ARHGEF19: variants seen among roughly 807,000 people sequenced by gnomAD.
ARHGEF19 encodes the protein Rho guanine nucleotide exchange factor 19.
Under a neutral mutation model 87.6 loss-of-function variants are expected in ARHGEF19, and 92 were observed. The ratio of observed to expected loss-of-function variants is 1.05; its 90% confidence interval spans 0.89 to 1.25. The LOEUF is 1.25. Ranked by LOEUF, ARHGEF19 falls within the 50% of genes most tolerant of loss-of-function variation. ARHGEF19 has a pLI of 0.00. For missense variants in ARHGEF19, 1,054 were observed against 1,051.8 expected (o/e 1.00, Z -0.03); for synonymous variants, 438 against 446.2 (o/e 0.98, Z 0.23).
rs754661167 is a variant in ARHGEF19 at position 16,208,671 on chromosome 1, G to A, written c.384C>T (p.Ala128=). 6.2e-7 allele frequency: 1 copy of A among 1,605,836 alleles called. No individual in the cohort carries two copies. The highest frequency in any genetic ancestry group is 8.5e-7 in the Non-Finnish European group (1 of 1,177,486). ...SPRHTQPQRR[A]SHGSEKKSAW... ...CAGACTTCTTCTCCGAGCCGTGGCT[G>A]GCCCGGCGCTGTGGCTGTGTGTGTC... Residue 128 remains alanine (A), a synonymous_variant, in exon 2 of 16, where the codon GCC becomes GCT. Coordinates refer to ENST00000270747, the MANE Select transcript of ARHGEF19 (RefSeq NM_153213.5).
chr1:16,206,746 C>A lies in ARHGEF19; in HGVS notation c.1137+202G>T, dbSNP rs944763000. ...ACCCGCACCCAAGCCCGGCTCCCCT[C>A]GCCTCTCGCTCAGCGGCTTGCTGTC... is the stretch of plus-strand genomic sequence containing the variant. On this transcript the variant is annotated intron_variant, in intron 6 of 15. Transcript: ENST00000270747. This position sits in a 1 kb window ranked among gnomAD's most constrained non-coding sequence, Gnocchi z 4.6. 3.5e-4 allele frequency among the ~76,000 whole-genome samples: 54 copies of A among 152,148 alleles called. No homozygotes were observed. Among genetic ancestry groups the A allele is most frequent in the African/African-American group, 1.3e-3 (52 of 41,524 alleles).
At position 16,205,312 on chromosome 1, in the gene ARHGEF19, G is replaced by T. The variant is rs748438215; in HGVS notation, c.1656+39C>A. ...GAGACGTGCTGGGGGTCCAGGGGGG[G>T]CCTCAGGAGCCAAGCAGCCCCTGCC... On this transcript the variant is annotated intron_variant, in intron 10 of 15. Coordinates refer to ENST00000270747, the MANE Select transcript of ARHGEF19 (RefSeq NM_153213.5). The surrounding 1 kb of genome is among the most constrained non-coding windows in gnomAD (Gnocchi z 5.8). 6.8e-6 allele frequency: 11 copies of T among 1,612,756 alleles called. No individual in the cohort carries two copies. The highest frequency in any genetic ancestry group is 3.3e-5 in the South Asian group (3 of 91,030).
At chr1:16,202,762 G>T (rs904664791) in intron 12 of ARHGEF19, among the ~76,000 whole-genome samples, 188 bp from the exon 13 acceptor site, 1 of 152,224 alleles carries the variant, frequency 6.6e-6, no homozygotes, top group African/African-American at 2.4e-5. Flanking sequence ...CTCCTTCCCC[G>T]CTGGCTTGCT....
chr1:16,203,864 T>C (rs769669611), intron 12 of ARHGEF19, among the ~76,000 whole-genome samples: 6 of 152,234 alleles, frequency 3.9e-5, no homozygotes, highest in South Asian at 4.1e-4. Flanking sequence ...CCTGATGATA[T>C]GGTTGTCAGA....
chr1:16,208,880 G>A lies in ARHGEF19; in HGVS notation c.175C>T (p.Arg59Trp), dbSNP rs781328251. The A allele has an allele frequency of 2.0e-5, 32 of 1,602,758 alleles. No individual in the cohort carries two copies. The highest frequency in any genetic ancestry group is 4.4e-5 in the South Asian group (4 of 90,216). Residue 59 changes from arginine to tryptophan, a missense_variant, in exon 2 of 16, where the codon CGG becomes TGG. By Grantham distance (101) the Arg-to-Trp change is moderately radical. Coordinates refer to ENST00000270747, the MANE Select transcript of ARHGEF19 (RefSeq NM_153213.5). ...AGGGACCAGCGGCTGCCAGGAGCCC[G>A]AAGCTCCTCTGGGGCAACAGGGAAA... ...DLFPVAPEEL[R>W]APGSRWSLGT...
rs1286446395 is a variant in ARHGEF19 at position 16,208,786 on chromosome 1, G to A, written c.269C>T (p.Thr90Ile). Residue 90 changes from threonine to isoleucine, a missense_variant, in exon 2 of 16, where the codon ACC (threonine) becomes ATC (isoleucine). Physicochemically the swap from Thr to Ile is moderately conservative, Grantham distance 89 (BLOSUM62 -1). Coordinates refer to ENST00000270747, the MANE Select transcript of ARHGEF19 (RefSeq NM_153213.5). ...LSPGGSDTEITSGGMRPSRAG... is the reference protein window; with the variant it reads ...LSPGGSDTEIISGGMRPSRAG... ...CCTGCTGGGCCGCATCCCCCCGCTG[G>A]TGATCTCTGTATCTGAGCCTCCTGG... 1 of 1,613,556 alleles carries A rather than the reference G, an allele frequency of 6.2e-7. No homozygotes were observed. Among genetic ancestry groups the A allele is most frequent in the Non-Finnish European group, 8.5e-7 (1 of 1,179,820 alleles).
Position 16,207,597 on chromosome 1 carries a change from G to A in ARHGEF19, c.799C>T (p.Leu267=). 1.2e-6 allele frequency: 2 copies of A among 1,613,992 alleles called. No homozygotes were observed. The highest frequency in any genetic ancestry group is 1.1e-5 in the South Asian group (1 of 91,080). Residue 267 remains leucine (L), a splice_region_variant and synonymous_variant, in exon 5 of 16, where the codon CTA becomes TTA. Coordinates refer to ENST00000270747, the MANE Select transcript of ARHGEF19 (RefSeq NM_153213.5). This position sits in a 1 kb window ranked among gnomAD's most constrained non-coding sequence, Gnocchi z 4.0. ...AAAGGCGGCTCTTCCTGTGTGTCTA[G>A]CCTAGGAAAGAGAGAGCGTCACGGC... ...SREGDWSEPR[L]DTQEEPPLGS...
intron 1 of ARHGEF19, among the ~76,000 whole-genome samples, chr1:16,211,554 A>C (rs1344418701): frequency 1.3e-5 from 2 of 152,116 alleles, no homozygotes; most frequent in Non-Finnish European, 2.9e-5. Context: ...GAGAGGGGAC[A>C]TAGAAGGCTT....
In ARHGEF19 at chr1:16,209,018, G is replaced by T; in HGVS notation, c.37C>A (p.Leu13Met). 6.7e-7 allele frequency: 1 copy of T among 1,503,702 alleles called. No individual in the cohort carries two copies. The highest frequency in any genetic ancestry group is 2.4e-5 in the Admixed American group (1 of 41,958). The allele number at this position is 1,503,702 out of a possible 1,614,324, so 93.1% of individuals were successfully genotyped here. The change falls in exon 2 of 16, where the codon CTG becomes ATG. Residue 13 changes from leucine (L) to methionine (M), a missense_variant. Leu to Met is a conservative substitution (Grantham distance 15). Coordinates refer to ENST00000270747, the MANE Select transcript of ARHGEF19 (RefSeq NM_153213.5). ...TGGGCAGTGCCAGGTGGCCCAGTCA[G>T]GTGGGGCTGGAGGGTAGCAGGTGGC... ...CGPPATLQPH[L>M]TGPPGTAHHP...
chr1:16,208,926 C>G lies in ARHGEF19; in HGVS notation c.129G>C (p.Pro43=), dbSNP rs563681063. The part of the protein sequence containing the change: ...SFAELPALKP[P]SPVCLDLFPV... ...GGAAAAGGTCCAGACACACTGGGCT[C>G]GGGGGCTTCAGGGCGGGCAGCTCTG... Residue 43 remains proline, a synonymous_variant, in exon 2 of 16, where the codon CCG becomes CCC. Coordinates refer to ENST00000270747, the MANE Select transcript of ARHGEF19 (RefSeq NM_153213.5). 1.9e-6 allele frequency: 3 copies of G among 1,585,860 alleles called. No homozygotes were observed. The highest frequency in any genetic ancestry group is 2.6e-6 in the Non-Finnish European group (3 of 1,167,330).
rs368098145 is a variant in ARHGEF19, at chr1:16,205,437, G to T, written c.1582-12C>A. The T allele has an allele frequency of 6.2e-7, 1 of 1,611,374 alleles. No homozygotes were observed. The highest frequency in any genetic ancestry group is 2.2e-5 in the East Asian group (1 of 44,858). On this transcript the variant is annotated splice_polypyrimidine_tract_variant and intron_variant, in intron 9 of 15. Transcript: ENST00000270747. The surrounding 1 kb of genome is among the most constrained non-coding windows in gnomAD (Gnocchi z 5.8). ...CGCTTCAGGATGTTCTGGAAGGTGG[G>T]ATCAGCACAATGAGGCAGTCCTCAT... is the stretch of plus-strand genomic sequence containing the variant.
rs985236443 is a variant in ARHGEF19, at chr1:16,208,041, C to T, written c.597G>A (p.Ser199=). Residue 199 remains serine (S), a synonymous_variant, in exon 3 of 16, where the codon TCG becomes TCA. Transcript: ENST00000270747. ...AAGAGTGCAGCCGGGTCATCAGCTC[C>T]GATGCCGAGAAGCGCCTCCGCTCAG... ...EGPERRRFSA[S]ELMTRLHSSL... 4 of 1,613,802 alleles carry T rather than the reference C, an allele frequency of 2.5e-6. No individual in the cohort carries two copies. The highest frequency in any genetic ancestry group is 3.4e-6 in the Non-Finnish European group (4 of 1,180,024).
chr1:16,205,369 G>C lies in ARHGEF19; in HGVS notation c.1638C>G (p.Ala546=), dbSNP rs1380469242. Residue 546 remains alanine, a synonymous_variant, in exon 10 of 16, where the codon GCC becomes GCG. Transcript: ENST00000270747. This position sits in a 1 kb window ranked among gnomAD's most constrained non-coding sequence, Gnocchi z 5.8. ...GSEDEDMATK[A]FNALKELVQE... The stretch of plus-strand genomic sequence containing the variant: ...AGCTCACCTCCTTGAGCGCATTGAA[G>C]GCCTTGGTGGCCATGTCTTCGTCTT... 1 of 1,613,676 alleles carries C rather than the reference G, an allele frequency of 6.2e-7. No individual in the cohort carries two copies. The highest frequency in any genetic ancestry group is 8.5e-7 in the Non-Finnish European group (1 of 1,179,700).
Position 16,208,847 on chromosome 1 carries a change from G to A in ARHGEF19, c.208C>T (p.Pro70Ser), listed in dbSNP as rs979998580. Reference protein sequence around the residue: ...APGSRWSLGTPAPLQGLLWPL... With the variant: ...APGSRWSLGTSAPLQGLLWPL... ...CATAGCAACCCTTGGAGAGGGGCAGGGGTCCCCAGGGACCAGCGGCTGCCA... is the reference window on the plus strand; with the variant it reads ...CATAGCAACCCTTGGAGAGGGGCAGAGGTCCCCAGGGACCAGCGGCTGCCA... Residue 70 changes from proline to serine, a missense_variant, in exon 2 of 16, where the codon CCT becomes TCT. Pro to Ser is a moderately conservative substitution (Grantham distance 74). Coordinates refer to ENST00000270747, the MANE Select transcript of ARHGEF19 (RefSeq NM_153213.5). 8 of 1,609,728 alleles carry A rather than the reference G, an allele frequency of 5.0e-6. No homozygotes were observed. Among genetic ancestry groups the A allele is most frequent in the South Asian group, 3.3e-5 (3 of 90,790 alleles).
At position 16,208,210 on chromosome 1, in the gene ARHGEF19, A is replaced by C; in HGVS notation, c.428T>G (p.Val143Gly). 1 of 1,612,576 alleles carries C rather than the reference A, an allele frequency of 6.2e-7. No individual in the cohort carries two copies. Among genetic ancestry groups the C allele is most frequent in the Non-Finnish European group, 8.5e-7 (1 of 1,179,284 alleles). ...EKKSAWRKMRVYQREEVPGCP... is the reference protein window; with the variant it reads ...EKKSAWRKMRGYQREEVPGCP... ...GCCGGGGACCTCTTCACGCTGGTAC[A>C]CCCGCATCTTGCGCCCTAGGGTTGG... Residue 143 changes from valine (V) to glycine (G), a missense_variant, in exon 3 of 16, where the codon GTG becomes GGG. Val to Gly is a moderately radical substitution (Grantham distance 109). Coordinates refer to ENST00000270747, the MANE Select transcript of ARHGEF19 (RefSeq NM_153213.5).
intron 13 of ARHGEF19, 72 bp downstream of exon 13, chr1:16,202,344 G>A (rs752014757): frequency 1.2e-6 from 1 of 818,898 alleles, no homozygotes; most frequent in Non-Finnish European, 1.6e-6. Context: ...GGGACGGGGT[G>A]CCCATCATGG....
In ARHGEF19 at chr1:16,206,538, C is replaced by T; in HGVS notation, c.1138-198G>A. The T allele has an allele frequency of 1.6e-6, 1 of 613,304 alleles. No individual in the cohort carries two copies. The highest frequency in any genetic ancestry group is 2.0e-5 in the South Asian group (1 of 49,652). 38.0% of individuals were successfully genotyped at this position (613,304 alleles called of 1,614,324 possible). On this transcript the variant is annotated intron_variant, in intron 6 of 15. Coordinates refer to ENST00000270747, the MANE Select transcript of ARHGEF19 (RefSeq NM_153213.5). This position sits in a 1 kb window ranked among gnomAD's most constrained non-coding sequence, Gnocchi z 4.6. ...TGTGCAAGCCTTTCCTGTCCTCGAT[C>T]CCGCCCCTCTCCTAAGCCCCGCCCC... is the stretch of plus-strand genomic sequence containing the variant.
intron 1 of ARHGEF19, among the ~76,000 whole-genome samples, chr1:16,210,077 G>A (rs1459150860): frequency 2.0e-5 from 3 of 152,242 alleles, no homozygotes; most frequent in African/African-American, 7.2e-5. Context: ...GATCTGAGAG[G>A]CCCAAGCCCC....
intron 14 of ARHGEF19, among the ~76,000 whole-genome samples, 176 bp from the exon 15 acceptor site, chr1:16,199,430 T>G (rs2081066914): frequency 6.6e-6 from 1 of 152,062 alleles, no homozygotes; most frequent in Non-Finnish European, 1.5e-5. Flanking sequence ...GCATACCCTC[T>G]GCCCACCCTG....
Sources: allele counts gnomAD v4.1 joint callset (sites outside exome capture counted in the v4.1 genomes callset), GRCh38; gene constraint gnomAD v4.1.1; non-coding constraint Gnocchi (gnomAD v3.1); transcripts MANE v1.5; gene names NCBI Gene and HGNC (gene_info 2026-07-23, HGNC 2026-07-21).